Variants in TSACC observed in about 807,000 individuals in gnomAD.
TSACC encodes the protein TSSK6-activating co-chaperone protein.
In TSACC, 3 loss-of-function variants were observed where a neutral mutation model predicts 6.9. That is an observed-to-expected ratio of 0.43 (90% CI 0.20 to 1.12). The LOEUF (loss-of-function observed/expected upper bound fraction) is 1.12. TSACC is among the 50% of genes most tolerant of loss of function. TSACC has a pLI of 0.28. For synonymous variants in TSACC, 54 were observed against 55.1 expected, an observed-to-expected ratio of 0.98 and a Z score of 0.09; for missense variants, 137 against 143.9, an observed-to-expected ratio of 0.95 and a Z score of 0.24.
intron 1 of TSACC, 60 bp from the exon 2 acceptor site, chr1:156,339,574 A>G (rs557528497): frequency 9.5e-6 from 6 of 629,742 alleles, no homozygotes; most frequent in Non-Finnish European, 1.6e-5. Flanking sequence ...GAGCACCAAC[A>G]GTTCAAGAAC....
At chr1:156,339,873 A>T in intron 2 of TSACC, 82 bp downstream of exon 2, 7 of 1,463,044 alleles carry the variant, frequency 4.8e-6, no homozygotes, top group Non-Finnish European at 6.7e-6. Context: ...GCATTGCTGT[A>T]TTCCCAGCAC....
upstream of TSACC, chr1:156,337,905 A>C: frequency 3.6e-6 from 2 of 551,082 alleles, no homozygotes; most frequent in Non-Finnish European, 6.5e-6. Context: ...CGGAGTGGGA[A>C]AGAGCTTCCC....
chr1:156,345,848 C>T (rs1162878705), intron 3 of TSACC, among the ~76,000 whole-genome samples: 2 of 139,638 alleles, frequency 1.4e-5, no homozygotes, highest in African/African-American at 2.7e-5. Flanking sequence ...TCCTGGGAGA[C>T]AGAGCAAGGC....
intron 2 of TSACC, among the ~76,000 whole-genome samples, chr1:156,341,473 G>A (rs1394758089): frequency 6.6e-6 from 1 of 152,216 alleles, no homozygotes; most frequent in Admixed American, 6.5e-5. Flanking sequence ...CAGGAGAGTA[G>A]TGACCACATC....
At chr1:156,337,892 A>C, upstream of TSACC, 1 of 539,890 alleles carries the variant, frequency 1.9e-6, no homozygotes, top group East Asian at 3.1e-5. Context: ...GAGGGACAGA[A>C]CGCGGAGTGG....
upstream of TSACC, chr1:156,338,384 GCCCCCT>G (rs1425683926): frequency 5.1e-6 from 3 of 586,076 alleles, no homozygotes; most frequent in Non-Finnish European, 9.2e-6. Context: ...CCTTAGTCCC[GCCCCCT>G]ACGCAAGAAC....
chr1:156,344,834 T>A, intron 3 of TSACC, 126 bp downstream of exon 3: 1 of 1,201,208 alleles, frequency 8.3e-7, no homozygotes, highest in Non-Finnish European at 1.2e-6. Context: ...GATCTTTCCG[T>A]GATAGCTTGT....
chr1:156,344,733 A>G (rs1479915706), intron 3 of TSACC, 25 bp downstream of exon 3: 5 of 1,611,434 alleles, frequency 3.1e-6, no homozygotes, highest in Admixed American at 3.3e-5. Flanking sequence ...AGGGTTTTCT[A>G]ATGGACTCAA....
At chr1:156,338,238 C>T, upstream of TSACC, 1 of 1,546,876 alleles carries the variant, frequency 6.5e-7, no homozygotes, top group Non-Finnish European at 8.8e-7. Context: ...GCAGAACCTT[C>T]TGGAGAGAGA....
In TSACC at chr1:156,339,794, G is replaced by A; in HGVS notation, c.34+3G>A. On this transcript the variant is annotated splice_donor_region_variant and intron_variant, in intron 2 of 3. Transcript: ENST00000368254. Reference sequence around the variant, plus strand: ...CACTAGTCATCCTAACAGAAAAGGTGTGTGTTGGAGGCCCTGCTTCCCCTC... The same window carrying A: ...CACTAGTCATCCTAACAGAAAAGGTATGTGTTGGAGGCCCTGCTTCCCCTC... 1 of 1,613,686 alleles carries A rather than the reference G, an allele frequency of 6.2e-7. No individual in the cohort carries two copies. Among genetic ancestry groups the A allele is most frequent in the South Asian group, 1.1e-5 (1 of 91,024 alleles).
intron 2 of TSACC, among the ~76,000 whole-genome samples, chr1:156,342,098 TCTCCTATGTCCAGG>T (rs1042209810): frequency 6.6e-6 from 1 of 151,668 alleles, no homozygotes; most frequent in Non-Finnish European, 1.5e-5. Context: ...AAAAATGCAT[TCTCCTATGTCCAGG>T]AAGGACTCAA....
upstream of TSACC, chr1:156,338,510 GC>G (rs1188922125): frequency 9.9e-6 from 5 of 506,758 alleles, no homozygotes; most frequent in African/African-American, 9.6e-5. Flanking sequence ...GTCGGCGCAG[GC>G]GCCAAGGCTC....
At chr1:156,338,128 C>A, upstream of TSACC, 1 of 1,576,554 alleles carries the variant, frequency 6.3e-7, no homozygotes, top group South Asian at 1.2e-5. Flanking sequence ...AAAGGGGGTC[C>A]ATTTCCTGGC....
At chr1:156,338,031 TGAA>T (rs1339775352), upstream of TSACC, 15 of 1,086,222 alleles carry the variant, frequency 1.4e-5, no homozygotes, top group Non-Finnish European at 2.1e-5. Context: ...GCTTCCAAAA[TGAA>T]GACGATGATT....
chr1:156,338,503 G>T, upstream of TSACC: 1 of 514,024 alleles, frequency 1.9e-6, no homozygotes, highest in African/African-American at 1.9e-5. Context: ...CGCGAACGTC[G>T]GCGCAGGCGC....
intron 2 of TSACC, among the ~76,000 whole-genome samples, 196 bp from the exon 3 acceptor site, chr1:156,344,384 G>T (rs1274917622): frequency 6.6e-6 from 1 of 152,114 alleles, no homozygotes; most frequent in Admixed American, 6.5e-5. Context: ...AAACAAATTA[G>T]ATTTTGGCTT....
chr1:156,339,551 G>GAA (rs1665700037), intron 1 of TSACC, 83 bp from the exon 2 acceptor site: 1 of 523,372 alleles, frequency 1.9e-6, no homozygotes, highest in African/African-American at 2.0e-5. Flanking sequence ...CCAAACTAGT[G>GAA]AAGGGGCCGT....
In TSACC at chr1:156,346,933, C is replaced by T; in HGVS notation, c.329C>T (p.Ala110Val). The T allele has an allele frequency of 6.2e-7, 1 of 1,614,196 alleles. No individual in the cohort carries two copies. The highest frequency in any genetic ancestry group is 2.2e-5 in the East Asian group (1 of 44,888). The change falls in exon 4 of 4, where the codon GCC (alanine) becomes GTC (valine). Residue 110 changes from alanine to valine, a missense_variant. Ala to Val is a moderately conservative substitution (Grantham distance 64). Transcript: ENST00000368254. Reference sequence around the variant, plus strand: ...GGAAGCAATAACTCTTCTCTCCCAGCCTTATCTCCTAATCCATTGTTAAAT... The same window carrying T: ...GGAAGCAATAACTCTTCTCTCCCAGTCTTATCTCCTAATCCATTGTTAAAT... ...GRGSNNSSLP[A>V]LSPNPLLNHL...
upstream of TSACC, chr1:156,337,834 C>G: frequency 2.3e-6 from 1 of 433,190 alleles, no homozygotes; most frequent in South Asian, 4.4e-5. Context: ...AGCTACATAG[C>G]GACAATCAGG....
Sources: gnomAD v4.1 joint callset for allele counts (sites outside exome capture counted in the v4.1 genomes callset) on GRCh38, gnomAD v4.1.1 for gene constraint, MANE v1.5 for transcripts, NCBI Gene and HGNC (gene_info 2026-07-23, HGNC 2026-07-21) for gene names.